The following UHRF2 variants were observed in gnomAD, a reference collection of about 807,000 sequenced individuals.
UHRF2 encodes the protein E3 ubiquitin-protein ligase UHRF2.
Under a neutral mutation model 96.8 loss-of-function variants are expected in UHRF2, and 23 were observed. That is an observed-to-expected ratio of 0.24 (90% CI 0.17 to 0.34). The LOEUF is 0.34. UHRF2 is among the 10% of genes least tolerant of loss of function. UHRF2 has a pLI of 1.00. For synonymous variants in UHRF2, 385 were observed against 332.6 expected (o/e 1.16, Z -1.72); for missense variants, 685 against 981.5 (o/e 0.70, Z 4.04).
chr9:6,500,039 C>A (rs1816197169), intron 13 of UHRF2, 108 bp downstream of exon 13: 1 of 866,452 alleles, frequency 1.2e-6, no homozygotes, highest in South Asian at 1.6e-5. Flanking sequence ...GTGGAAAGAT[C>A]TTGGCTCACT....
intron 3 of UHRF2, among the ~76,000 whole-genome samples, chr9:6,459,365 T>C (rs55832887): frequency 1.9e-3 from 289 of 152,282 alleles, no homozygotes; most frequent in Non-Finnish European, 2.9e-3. Context: ...CATCATCTAG[T>C]CCTGTTAAAA....
intron 6 of UHRF2, 121 bp from the exon 7 acceptor site, chr9:6,481,522 T>G (rs935164602): frequency 8.8e-7 from 1 of 1,139,920 alleles, no homozygotes; most frequent in Non-Finnish European, 1.2e-6. Flanking sequence ...CAGTTAAAGC[T>G]CTGTAATGTA....
At chr9:6,480,751 G>C (rs16924628) in intron 6 of UHRF2, among the ~76,000 whole-genome samples, 9 of 152,128 alleles carry the variant, frequency 5.9e-5, no homozygotes, top group Non-Finnish European at 1.0e-4. Context: ...CAACTAGAAA[G>C]GACTTTACTT....
chr9:6,416,535 C>CTTTT lies in UHRF2; in HGVS notation c.153+2914_153+2917dup, dbSNP rs60522189. On this transcript the variant is annotated intron_variant, in intron 1 of 15. Coordinates refer to ENST00000276893, the MANE Select transcript of UHRF2 (RefSeq NM_152896.3). ...AGATTATGTTGGTGGATCTCTAAAT[C>CTTTT]TTTTTTTTTTTTTTTTTTTTTTTTT... Among the ~76,000 whole-genome samples, 197 of 64,956 alleles carry CTTTT rather than the reference C, an allele frequency of 3.0e-3. 3 individuals are homozygous for CTTTT. Among genetic ancestry groups the CTTTT allele is most frequent in the African/African-American group, 7.2e-3 (115 of 16,074 alleles). 42.6% of individuals were successfully genotyped at this position (64,956 alleles called of 152,430 possible).
chr9:6,466,052 G>T (rs939286849), intron 4 of UHRF2, among the ~76,000 whole-genome samples: 2 of 152,136 alleles, frequency 1.3e-5, no homozygotes, highest in African/African-American at 4.8e-5. Context: ...TTAGATATTT[G>T]TAAGTAAAGT....
chr9:6,455,958 G>T (rs937817238), intron 3 of UHRF2, among the ~76,000 whole-genome samples: 7 of 152,164 alleles, frequency 4.6e-5, no homozygotes, highest in African/African-American at 1.7e-4. Flanking sequence ...ACTCCAGCCT[G>T]GGTGACAGAG....
rs529655111 is a variant in UHRF2, at chr9:6,445,734, T to A, written c.644+11561T>A. Among the ~76,000 whole-genome samples the A allele has an allele frequency of 7.9e-5, 12 of 151,956 alleles. No homozygotes were observed. The South Asian group carries it at 8.3e-4, about 11-fold the overall frequency. On this transcript the variant is annotated intron_variant, in intron 3 of 15. Transcript: ENST00000276893. ...CACCATAACTGGCTAATTTAAAAAA[T>A]TTTTCTTTTTGTAGAGACAGGGTCT... is the stretch of plus-strand genomic sequence containing the variant.
chr9:6,501,015 G>A (rs750419536), intron 14 of UHRF2, among the ~76,000 whole-genome samples: 41 of 152,100 alleles, frequency 2.7e-4, no homozygotes, highest in Non-Finnish European at 4.3e-4. Flanking sequence ...AAATCACCAC[G>A]AAAGTTTTTG....
intron 10 of UHRF2, chr9:6,494,930 A>C (rs1304625074): frequency 2.0e-5 from 3 of 152,204 alleles, no homozygotes; most frequent in Non-Finnish European, 4.4e-5. Flanking sequence ...TTACTGAACC[A>C]GCAGAGGAGA....
intron 4 of UHRF2, among the ~76,000 whole-genome samples, chr9:6,474,969 A>G (rs551522300): frequency 1.7e-4 from 26 of 152,366 alleles, no homozygotes; most frequent in Admixed American, 1.1e-3. Context: ...ATATAAAAAT[A>G]TATTGCTTAC....
chr9:6,455,288 CT>C (rs1822112234), intron 3 of UHRF2, among the ~76,000 whole-genome samples: 1 of 152,136 alleles, frequency 6.6e-6, no homozygotes, highest in South Asian at 2.1e-4. Context: ...TCCCTCCCCC[CT>C]CTCTCCACCC....
chr9:6,413,790 G>T (rs1819428455), intron 1 of UHRF2, 147 bp downstream of exon 1: 11 of 1,069,380 alleles, frequency 1.0e-5, no homozygotes, highest in Non-Finnish European at 1.3e-5. Context: ...GAGGCGCGGG[G>T]TGCGGGGCCC....
At chr9:6,449,620 G>C (rs965111080) in intron 3 of UHRF2, 10 of 152,194 alleles carry the variant, frequency 6.6e-5, no homozygotes, top group African/African-American at 2.4e-4. Flanking sequence ...GCTTATATGG[G>C]TTGGCCCTGG....
intron 3 of UHRF2, among the ~76,000 whole-genome samples, chr9:6,459,952 G>C (rs1822426943): frequency 6.6e-6 from 1 of 152,170 alleles, no homozygotes; most frequent in Non-Finnish European, 1.5e-5. Flanking sequence ...CAGCCTAGGT[G>C]GCAGAGTGAG....
intron 4 of UHRF2, among the ~76,000 whole-genome samples, chr9:6,469,755 T>TGTGC: frequency 6.8e-6 from 1 of 146,384 alleles, no homozygotes; most frequent in African/African-American, 2.7e-5. Context: ...TACACGTATA[T>TGTGC]ATACACACGT....
chr9:6,417,303 TA>T (rs1819663561), intron 1 of UHRF2, among the ~76,000 whole-genome samples: 1 of 152,240 alleles, frequency 6.6e-6, no homozygotes, highest in Non-Finnish European at 1.5e-5. Context: ...TTTTGCTTCT[TA>T]AGTATTGTAA....
chr9:6,475,530 A>G (rs1333502786), intron 5 of UHRF2, 30 bp downstream of exon 5: 3 of 1,400,986 alleles, frequency 2.1e-6, no homozygotes, highest in African/African-American at 2.9e-5. Context: ...GTCTTAGACT[A>G]CATGTGTTGT....
At chr9:6,417,162 C>G (rs1819654517) in intron 1 of UHRF2, among the ~76,000 whole-genome samples, 1 of 152,162 alleles carries the variant, frequency 6.6e-6, no homozygotes, top group African/African-American at 2.4e-5. Context: ...ACTGCCCTCT[C>G]AGCCACTTCC....
chr9:6,461,360 C>G (rs1388572412), intron 4 of UHRF2, among the ~76,000 whole-genome samples: 4 of 92,026 alleles, frequency 4.3e-5, no homozygotes, highest in African/African-American at 1.8e-4. Context: ...TCTCCCCCCC[C>G]TCCTCCTCTC....
Sources: allele counts gnomAD v4.1 joint callset (sites outside exome capture counted in the v4.1 genomes callset), GRCh38; gene constraint gnomAD v4.1.1; transcripts MANE v1.5; gene names NCBI Gene and HGNC (gene_info 2026-07-23, HGNC 2026-07-21).